The following ADK variants were observed in gnomAD, a reference collection of about 807,000 sequenced individuals.
ADK encodes the protein N6,N6-dimethyladenosine kinase.
Under a neutral mutation model 44.7 loss-of-function variants are expected in ADK, and 24 were observed. The observed-to-expected ratio is 0.54, with a 90% CI of 0.39 to 0.76. The LOEUF is 0.76. ADK is among the 30% of genes least tolerant of loss of function. ADK has a pLI of 0.00. For synonymous variants in ADK, 128 were observed against 142.6 expected (o/e 0.90, Z 0.73); for missense variants, 321 against 425.1 (o/e 0.76, Z 2.15).
chr10:74,322,398 G>A (rs1483613849), intron 4 of ADK, among the ~76,000 whole-genome samples: 1 of 152,114 alleles, frequency 6.6e-6, no homozygotes, highest in Admixed American at 6.5e-5. Flanking sequence ...TATTAATTCT[G>A]CCAATTTTAT....
chr10:74,538,691 T>A (rs1849534424), intron 7 of ADK, among the ~76,000 whole-genome samples: 1 of 152,230 alleles, frequency 6.6e-6, no homozygotes. Flanking sequence ...TATCATTATC[T>A]TTTTACTAAA....
intron 3 of ADK, among the ~76,000 whole-genome samples, chr10:74,313,297 T>C (rs1840508054): frequency 6.6e-6 from 1 of 152,148 alleles, no homozygotes; most frequent in Admixed American, 6.5e-5. Flanking sequence ...TTACTTTTCT[T>C]TTAACCTAAT....
At chr10:74,371,096 G>C (rs1024449670) in intron 4 of ADK, among the ~76,000 whole-genome samples, 3 of 152,120 alleles carry the variant, frequency 2.0e-5, no homozygotes, top group Non-Finnish European at 2.9e-5. Context: ...GTATATACTA[G>C]CTATTGCAAC....
At chr10:74,501,130 C>T (rs1443239534) in intron 6 of ADK, among the ~76,000 whole-genome samples, 1 of 152,122 alleles carries the variant, frequency 6.6e-6, no homozygotes, top group Non-Finnish European at 1.5e-5. Context: ...AACAATTACA[C>T]AGAAAAAAAT....
At chr10:74,630,325 CTTT>C (rs774789253) in intron 9 of ADK, among the ~76,000 whole-genome samples, 2 of 142,290 alleles carry the variant, frequency 1.4e-5, no homozygotes, top group Non-Finnish European at 1.5e-5. Context: ...AATTATCCCA[CTTT>C]TTTTTTTTTT....
intron 10 of ADK, among the ~76,000 whole-genome samples, chr10:74,699,234 G>A (rs961215135): frequency 1.7e-4 from 25 of 148,092 alleles, no homozygotes; most frequent in African/African-American, 6.0e-4. Flanking sequence ...CTGAGGCTGT[G>A]TTTCAGTGAA....
intron 6 of ADK, among the ~76,000 whole-genome samples, chr10:74,458,855 A>G (rs1846055143): frequency 6.6e-6 from 1 of 152,208 alleles, no homozygotes; most frequent in East Asian, 1.9e-4. Context: ...TTTTGATCAG[A>G]TAAGGTTTAA....
chr10:74,432,519 T>TA (rs1216483735), intron 6 of ADK, among the ~76,000 whole-genome samples: 1 of 152,232 alleles, frequency 6.6e-6, no homozygotes, highest in African/African-American at 2.4e-5. Context: ...CATTTATCTA[T>TA]AATCATTTAT....
intron 4 of ADK, among the ~76,000 whole-genome samples, chr10:74,388,235 A>G (rs1843212109): frequency 6.6e-6 from 1 of 152,058 alleles, no homozygotes; most frequent in African/African-American, 2.4e-5. Context: ...TTCTTACAAC[A>G]TCCTTAAAAG....
intron 4 of ADK, among the ~76,000 whole-genome samples, chr10:74,368,063 T>G (rs1564679854): frequency 6.6e-6 from 1 of 152,230 alleles, no homozygotes; most frequent in Non-Finnish European, 1.5e-5. Context: ...AATTATGTAT[T>G]GGCATTGGTT....
chr10:74,475,404 AC>A (rs1328345831), intron 6 of ADK, among the ~76,000 whole-genome samples: 2 of 152,098 alleles, frequency 1.3e-5, no homozygotes, highest in Non-Finnish European at 2.9e-5. Flanking sequence ...TCCAAGGATC[AC>A]TGGTTCACTT....
At chr10:74,231,170 C>T (rs904813699) in intron 3 of ADK, among the ~76,000 whole-genome samples, 3 of 152,198 alleles carry the variant, frequency 2.0e-5, no homozygotes, top group African/African-American at 7.2e-5. Context: ...AGGCACTTTA[C>T]ATTCTTCTAA....
chr10:74,319,360 G>A (rs145769493), intron 4 of ADK, among the ~76,000 whole-genome samples: 3 of 152,138 alleles, frequency 2.0e-5, no homozygotes, highest in South Asian at 2.1e-4. Flanking sequence ...CAGAGGCCTC[G>A]CTTCTTAGCC....
chr10:74,211,200 T>G (rs59862850), intron 2 of ADK, among the ~76,000 whole-genome samples: 17 of 152,142 alleles, frequency 1.1e-4, no homozygotes, highest in African/African-American at 4.1e-4. Context: ...ATTAATTCTT[T>G]ATAAAGCTAT....
intron 1 of ADK, among the ~76,000 whole-genome samples, chr10:74,189,895 A>C (rs1001186382): frequency 3.9e-5 from 6 of 152,132 alleles, no homozygotes; most frequent in Admixed American, 3.3e-4. Flanking sequence ...TATGTTTTCA[A>C]AGTTCATACA....
chr10:74,444,377 C>G (rs1845525086), intron 6 of ADK, among the ~76,000 whole-genome samples: 1 of 152,068 alleles, frequency 6.6e-6, no homozygotes, highest in Non-Finnish European at 1.5e-5. Flanking sequence ...TAAACACATA[C>G]TTGGGAGTAA....
At chr10:74,407,417 A>G (rs1189460412) in intron 6 of ADK, among the ~76,000 whole-genome samples, 3 of 152,182 alleles carry the variant, frequency 2.0e-5, no homozygotes, top group African/African-American at 7.2e-5. Context: ...TCTACATAGT[A>G]TGCTTATGTT....
chr10:74,414,140 A>G lies in ADK; in HGVS notation c.555+15561A>G, dbSNP rs190373879. On this transcript the variant is annotated intron_variant, in intron 6 of 10. Coordinates refer to ENST00000539909, the MANE Select transcript of ADK (RefSeq NM_006721.4). ...AATTACCAAAATATGACAGAGATCC[A>G]AGCGAGCACATTCTGTTGGAAAATA... is the stretch of plus-strand genomic sequence containing the variant. Among the ~76,000 whole-genome samples the G allele has an allele frequency of 2.8e-3, 427 of 152,364 alleles. 3 individuals carry two copies. Among genetic ancestry groups the G allele is most frequent in the African/African-American group, 9.7e-3 (404 of 41,590 alleles).
chr10:74,578,164 A>T (rs937482346), intron 7 of ADK, among the ~76,000 whole-genome samples: 1 of 152,256 alleles, frequency 6.6e-6, no homozygotes, highest in East Asian at 1.9e-4. Context: ...TTAGAAAAGC[A>T]CTTAACAAGG....
Sources: gnomAD v4.1 joint callset for allele counts (sites outside exome capture counted in the v4.1 genomes callset) on GRCh38, gnomAD v4.1.1 for gene constraint, MANE v1.5 for transcripts, NCBI Gene and HGNC (gene_info 2026-07-23, HGNC 2026-07-21) for gene names.